The following ELL2 variants were observed in gnomAD, a reference collection of about 807,000 sequenced individuals.
ELL2 encodes the protein elongation factor for RNA polymerase II 2, also known as RNA polymerase II elongation factor ELL2.
A neutral mutation model predicts 72.8 loss-of-function variants in ELL2; 21 were observed. That is an observed-to-expected ratio of 0.29 (90% confidence interval 0.20 to 0.42). The LOEUF (loss-of-function observed/expected upper bound fraction) is 0.42. Among genes scored for constraint, ELL2 ranks in the 10% least tolerant of loss-of-function variants. The pLI, the probability that ELL2 is intolerant of heterozygous loss-of-function variation, is 1.00. For missense variants in ELL2, 568 were observed against 772.8 expected, an observed-to-expected ratio of 0.73 and a Z score of 3.14; for synonymous variants, 266 against 283.2, an observed-to-expected ratio of 0.94 and a Z score of 0.61.
chr5:95,950,453 C>T (rs1751330457), intron 1 of ELL2, among the ~76,000 whole-genome samples: 1 of 151,876 alleles, frequency 6.6e-6, no homozygotes, highest in South Asian at 2.1e-4. Flanking sequence ...AGAAATCAGA[C>T]AGTTGATCCT....
chr5:95,900,459 G>T, intron 7 of ELL2: 1 of 335,272 alleles, frequency 3.0e-6, no homozygotes, highest in East Asian at 4.7e-5. Context: ...CTTTAAAAAT[G>T]GAAAGCAAGG....
intron 4 of ELL2, among the ~76,000 whole-genome samples, chr5:95,907,296 A>ATATATATATATTTTTTTTTTT: frequency 6.9e-5 from 8 of 116,486 alleles, no homozygotes; most frequent in Admixed American, 3.5e-4. Context: ...ATATATATAT[A>ATATATATATATTTTTTTTTTT]TTTTTTTTTT....
intron 1 of ELL2, among the ~76,000 whole-genome samples, chr5:95,947,789 A>G (rs1751220881): frequency 1.3e-5 from 2 of 152,234 alleles, no homozygotes; most frequent in Non-Finnish European, 2.9e-5. Flanking sequence ...GTTTCCAAGG[A>G]AAATGAATTT....
At chr5:95,927,824 TAC>T (rs1254281363) in intron 2 of ELL2, among the ~76,000 whole-genome samples, 1 of 115,160 alleles carries the variant, frequency 8.7e-6, no homozygotes, top group Non-Finnish European at 1.7e-5. Context: ...TATATAGACA[TAC>T]ACACACACAT....
At chr5:95,957,132 T>C (rs1179418603) in intron 1 of ELL2, among the ~76,000 whole-genome samples, 1 of 152,208 alleles carries the variant, frequency 6.6e-6, no homozygotes, top group Non-Finnish European at 1.5e-5. Context: ...TGAGTAAACA[T>C]TTTTTAAAAA....
intron 3 of ELL2, 74 bp downstream of exon 3, chr5:95,919,350 T>G: frequency 6.6e-7 from 1 of 1,505,890 alleles, no homozygotes; most frequent in Non-Finnish European, 8.9e-7. Context: ...TATTATGTAT[T>G]GTATTGTTTA....
chr5:95,927,954 G>A (rs1203453978), intron 2 of ELL2, among the ~76,000 whole-genome samples: 1 of 151,230 alleles, frequency 6.6e-6, no homozygotes, highest in Non-Finnish European at 1.5e-5. Context: ...TGTTGGTTTC[G>A]TCAGCTAAAA....
chr5:95,948,711 T>C (rs1751269006), intron 1 of ELL2, among the ~76,000 whole-genome samples: 1 of 152,230 alleles, frequency 6.6e-6, no homozygotes, highest in African/African-American at 2.4e-5. Context: ...ACTTTTGCTT[T>C]TAGCTTTAAG....
chr5:95,929,051 T>A (rs1159871643), intron 2 of ELL2, among the ~76,000 whole-genome samples: 1 of 152,186 alleles, frequency 6.6e-6, no homozygotes, highest in Non-Finnish European at 1.5e-5. Flanking sequence ...TAATGTGAGT[T>A]CAGCTTAGGA....
Position 95,895,842 on chromosome 5 carries a change from T to C in ELL2, c.1526-151A>G, listed in dbSNP as rs745386229. 207 of 709,550 alleles carry C rather than the reference T, an allele frequency of 2.9e-4. No individual in the cohort carries two copies. Among genetic ancestry groups the C allele is most frequent in the Non-Finnish European group, 4.5e-4 (186 of 412,926 alleles). The allele number at this position is 709,550 out of a possible 1,614,324, so 44.0% of individuals were successfully genotyped here. A position where few individuals can be genotyped will look rare whatever the true frequency, so the allele number is the denominator to read the frequency against. Reference sequence around the variant, plus strand: ...AAGCAACAGTGAGCAAGGAATACAATTGAACATGAACAATAGAGGCCCTAT... The same window carrying C: ...AAGCAACAGTGAGCAAGGAATACAACTGAACATGAACAATAGAGGCCCTAT... On this transcript the variant is annotated intron_variant, in intron 8 of 11. Transcript: ENST00000237853.
chr5:95,946,984 A>G (rs947268380), intron 1 of ELL2, among the ~76,000 whole-genome samples: 1 of 152,238 alleles, frequency 6.6e-6, no homozygotes, highest in African/African-American at 2.4e-5. Context: ...TAAAAATGTT[A>G]AACCTGTTTC....
chr5:95,901,960 A>G (rs1053535997), intron 5 of ELL2, among the ~76,000 whole-genome samples: 1 of 152,246 alleles, frequency 6.6e-6, no homozygotes, highest in Admixed American at 6.5e-5. Flanking sequence ...CAAAATGTTT[A>G]CTTCTGAAAT....
At position 95,961,581 on chromosome 5, in the gene ELL2, G is replaced by T. The variant is rs1287578953; in HGVS notation, c.141C>A (p.Ser47Arg). 6.3e-7 allele frequency: 1 copy of T among 1,595,934 alleles called. No homozygotes were observed. The highest frequency in any genetic ancestry group is 1.4e-5 in the African/African-American group (1 of 72,536). ...TGCCGGCCGGCCCGCTCACCTTGTG[G>T]CTCTGGTAAGTCTCGAGCGCCCGGA... The part of the protein sequence containing the change: ...TAIRALETYQ[S>R]HKNLIPFRPS... The change falls in exon 1 of 12, where the codon AGC (serine) becomes AGA (arginine). Residue 47 changes from serine to arginine, a missense_variant. By Grantham distance (110) the Ser-to-Arg change is moderately radical. Around this residue, in one of 2 missense-constraint regions of ELL2, gnomAD observed 511 missense variants for 728.4 expected, o/e 0.70. Transcript: ENST00000237853.
intron 5 of ELL2, among the ~76,000 whole-genome samples, chr5:95,904,035 T>C (rs938704009): frequency 6.6e-6 from 1 of 152,212 alleles, no homozygotes; most frequent in African/African-American, 2.4e-5. Context: ...CCTCTACTCC[T>C]GCCCCTCCAA....
chr5:95,905,079 T>C (rs562791811), intron 5 of ELL2, among the ~76,000 whole-genome samples: 1 of 152,246 alleles, frequency 6.6e-6, no homozygotes, highest in South Asian at 2.1e-4. Context: ...TTTGTTGGTC[T>C]CAGGTGGAGT....
Position 95,900,973 on chromosome 5 carries a change from C to T in ELL2, c.849G>A (p.Leu283=). ...PGYSEIDRRS[L]ESVLSRKLNP... ...GAATTCACCTAGAGAGCACTGACTC[C>T]AATGACCGTCTGTCTATTTCACTGT... Residue 283 remains leucine (L), a synonymous_variant, in exon 6 of 12, where the codon TTG becomes TTA. Coordinates refer to ENST00000237853, the MANE Select transcript of ELL2 (RefSeq NM_012081.6). 1 of 1,607,324 alleles carries T rather than the reference C, an allele frequency of 6.2e-7. No individual in the cohort carries two copies. The highest frequency in any genetic ancestry group is 2.2e-5 in the East Asian group (1 of 44,848).
chr5:95,903,112 C>G (rs1446607624), intron 5 of ELL2, among the ~76,000 whole-genome samples: 2 of 151,350 alleles, frequency 1.3e-5, no homozygotes, highest in Admixed American at 1.3e-4. Flanking sequence ...TCTTTTACCC[C>G]CAGCACTACA....
intron 3 of ELL2, among the ~76,000 whole-genome samples, chr5:95,918,304 C>T (rs549383519): frequency 1.5e-3 from 233 of 152,216 alleles, no homozygotes; most frequent in African/African-American, 4.8e-3. Context: ...TGTAAATAGC[C>T]AATGTGGCCA....
intron 1 of ELL2, among the ~76,000 whole-genome samples, chr5:95,958,473 A>C (rs910090991): frequency 6.6e-6 from 1 of 152,222 alleles, no homozygotes; most frequent in Non-Finnish European, 1.5e-5. Flanking sequence ...CCAACGGTAC[A>C]TTCAGTCACC....
Sources: gnomAD v4.1 joint callset for allele counts (sites outside exome capture counted in the v4.1 genomes callset) on GRCh38, gnomAD v4.1.1 for gene constraint, gnomAD v4.1.1 regional missense constraint, MANE v1.5 for transcripts, NCBI Gene and HGNC (gene_info 2026-07-23, HGNC 2026-07-21) for gene names.